Variants in MYO1D observed in about 807,000 individuals in gnomAD.
MYO1D encodes myosin ID.
MYO1D carries 83 observed loss-of-function variants against 122.0 expected under a neutral mutation model. That is an observed-to-expected ratio of 0.68 (90% CI 0.57 to 0.82). The LOEUF is 0.82. Ranked by LOEUF, MYO1D falls within the 40% of genes least tolerant of loss-of-function variation. The pLI is 0.00. For missense variants in MYO1D, 1,157 were observed against 1,269.5 expected (o/e 0.91, Z 1.35); for synonymous variants, 464 against 446.9 (o/e 1.04, Z -0.48).
intron 1 of MYO1D, among the ~76,000 whole-genome samples, chr17:32,805,722 C>T (rs1567650695): frequency 6.6e-6 from 1 of 151,900 alleles, no homozygotes; most frequent in African/African-American, 2.4e-5. Flanking sequence ...GATAGTCTAA[C>T]CCTGATCAAG....
At chr17:32,876,540 G>A (rs1004834265) in intron 1 of MYO1D, among the ~76,000 whole-genome samples, 2 of 152,138 alleles carry the variant, frequency 1.3e-5, no homozygotes, top group African/African-American at 4.8e-5. Flanking sequence ...TCTCAGGGAA[G>A]CGCGGCCCTT....
intron 1 of MYO1D, among the ~76,000 whole-genome samples, chr17:32,862,642 T>C (rs2091087567): frequency 6.6e-6 from 1 of 152,222 alleles, no homozygotes; most frequent in African/African-American, 2.4e-5. Flanking sequence ...TAAAACTGGA[T>C]AACCATAACC....
chr17:32,515,335 A>C (rs1335276024), intron 21 of MYO1D, among the ~76,000 whole-genome samples: 1 of 152,180 alleles, frequency 6.6e-6, no homozygotes, highest in Non-Finnish European at 1.5e-5. Flanking sequence ...TTTCTTTGAC[A>C]TAGAGTCTCG....
At chr17:32,752,364 C>T (rs574032586) in intron 11 of MYO1D, among the ~76,000 whole-genome samples, 2 of 152,166 alleles carry the variant, frequency 1.3e-5, no homozygotes, top group Admixed American at 1.3e-4. Context: ...GGACATTGGC[C>T]TAGGCAAAGA....
chr17:32,703,480 T>C (rs1440411626), intron 16 of MYO1D, among the ~76,000 whole-genome samples: 3 of 151,774 alleles, frequency 2.0e-5, no homozygotes, highest in African/African-American at 4.8e-5. Context: ...GGGGTCTTGC[T>C]ATATTGCCAA....
chr17:32,600,827 C>T (rs2087553107), intron 21 of MYO1D, among the ~76,000 whole-genome samples: 2 of 152,182 alleles, frequency 1.3e-5, no homozygotes, highest in Admixed American at 6.5e-5. Flanking sequence ...TTTTAATTTC[C>T]TTCAAGAACT....
chr17:32,658,750 A>G (rs1054362503), intron 17 of MYO1D: 1 of 235,468 alleles, frequency 4.2e-6, no homozygotes, highest in East Asian at 1.1e-4. Flanking sequence ...AGCAGAATTG[A>G]GAACCACTGC....
At chr17:32,838,728 T>A (rs1332031795) in intron 1 of MYO1D, among the ~76,000 whole-genome samples, 1 of 152,206 alleles carries the variant, frequency 6.6e-6, no homozygotes, top group Admixed American at 6.5e-5. Context: ...GATCACTTTA[T>A]CTATAAGAAA....
intron 1 of MYO1D, among the ~76,000 whole-genome samples, chr17:32,866,950 C>T (rs1459753291): frequency 1.3e-5 from 2 of 152,114 alleles, no homozygotes; most frequent in African/African-American, 4.8e-5. Context: ...GCCATTTTTT[C>T]TTTTTCTGAA....
At chr17:32,592,241 C>T (rs2087445739) in intron 21 of MYO1D, among the ~76,000 whole-genome samples, 1 of 152,186 alleles carries the variant, frequency 6.6e-6, no homozygotes, top group Non-Finnish European at 1.5e-5. Context: ...TTATAGCCAT[C>T]AAAAATCCCC....
chr17:32,825,552 C>G (rs986956539), intron 1 of MYO1D, among the ~76,000 whole-genome samples: 3 of 152,194 alleles, frequency 2.0e-5, no homozygotes, highest in African/African-American at 7.2e-5. Context: ...CTTCGCCTCT[C>G]AAATTGCTGG....
At chr17:32,775,357 C>T (rs2090161731) in intron 4 of MYO1D, among the ~76,000 whole-genome samples, 3 of 152,084 alleles carry the variant, frequency 2.0e-5, no homozygotes, top group Admixed American at 2.0e-4. Context: ...GAAGAAAATT[C>T]TAATTGGAAT....
intron 20 of MYO1D, among the ~76,000 whole-genome samples, chr17:32,624,216 G>GTT (rs3040378): frequency 0.16 from 22,096 of 137,748 alleles, 2,034 homozygotes; most frequent in Middle Eastern, 0.24. Flanking sequence ...TTTTCTTTAA[G>GTT]TTTTTTTTTT....
At chr17:32,717,273 G>A (rs894367060) in intron 15 of MYO1D, among the ~76,000 whole-genome samples, 6 of 152,080 alleles carry the variant, frequency 3.9e-5, no homozygotes, top group Non-Finnish European at 7.4e-5. Flanking sequence ...TTCTTTTCCT[G>A]TCTAGTTAAT....
At chr17:32,823,795 C>T (rs542097634) in intron 1 of MYO1D, among the ~76,000 whole-genome samples, 5 of 152,168 alleles carry the variant, frequency 3.3e-5, no homozygotes, top group Middle Eastern at 6.8e-3. Flanking sequence ...AGGCTGGGTA[C>T]GGTGGCTCAT....
At chr17:32,523,129 G>C (rs1910216701) in intron 21 of MYO1D, among the ~76,000 whole-genome samples, 1 of 152,170 alleles carries the variant, frequency 6.6e-6, no homozygotes, top group African/African-American at 2.4e-5. Context: ...ATGCCTCTTA[G>C]ACAGCAGTGC....
chr17:32,786,692 T>C (rs1276164166), intron 1 of MYO1D, among the ~76,000 whole-genome samples: 6 of 152,084 alleles, frequency 3.9e-5, no homozygotes, highest in Non-Finnish European at 8.8e-5. Context: ...TGGTGGCGCA[T>C]ACCTGTAATC....
intron 1 of MYO1D, among the ~76,000 whole-genome samples, chr17:32,796,948 T>C (rs2090421861): frequency 1.3e-5 from 2 of 152,056 alleles, no homozygotes; most frequent in Admixed American, 6.6e-5. Flanking sequence ...GAAAATGACA[T>C]AAAACTTAGT....
intron 15 of MYO1D, among the ~76,000 whole-genome samples, chr17:32,718,469 G>A (rs903402201): frequency 1.6e-4 from 24 of 152,104 alleles, no homozygotes; most frequent in African/African-American, 5.3e-4. Flanking sequence ...AGGCTGAGGC[G>A]GGTGGATCAC....
Sources: allele counts gnomAD v4.1 joint callset (sites outside exome capture counted in the v4.1 genomes callset), GRCh38; gene constraint gnomAD v4.1.1; transcripts MANE v1.5; gene names NCBI Gene and HGNC (gene_info 2026-07-23, HGNC 2026-07-21).